RASA1: variants seen among roughly 807,000 people sequenced by gnomAD.
RASA1 encodes the protein ras GTPase-activating protein 1.
RASA1 carries 25 observed loss-of-function variants against 132.2 expected under a neutral mutation model. That is an observed-to-expected ratio of 0.19 (90% CI 0.14 to 0.26). RASA1 has a LOEUF of 0.26. Among genes scored for constraint, RASA1 ranks in the 10% least tolerant of loss-of-function variants. The pLI is 1.00. For missense variants in RASA1, 964 were observed against 1,299.2 expected (o/e 0.74, Z 3.97); for synonymous variants, 477 against 449.9 (o/e 1.06, Z -0.76).
At chr5:87,335,427 T>TG (rs1308775990) in intron 4 of RASA1, among the ~76,000 whole-genome samples, 2 of 142,506 alleles carry the variant, frequency 1.4e-5, no homozygotes, top group Non-Finnish European at 1.5e-5. Context: ...AGGTTTTTTT[T>TG]TTTTTTTTTT....
At chr5:87,296,788 T>G (rs1204525812) in intron 1 of RASA1, among the ~76,000 whole-genome samples, 1 of 152,106 alleles carries the variant, frequency 6.6e-6, no homozygotes, top group East Asian at 1.9e-4. Context: ...ATTTTTAGGT[T>G]TTTAGGGGCC....
At chr5:87,371,313 T>C (rs553268223) in intron 12 of RASA1, among the ~76,000 whole-genome samples, 12 of 152,256 alleles carry the variant, frequency 7.9e-5, no homozygotes, top group African/African-American at 2.9e-4. Context: ...GATTTGGTTT[T>C]AATTTGCTGT....
chr5:87,301,192 ACTGT>A (rs1398440040), intron 1 of RASA1, among the ~76,000 whole-genome samples: 3 of 151,984 alleles, frequency 2.0e-5, no homozygotes, highest in Non-Finnish European at 4.4e-5. Context: ...TATAATTTTG[ACTGT>A]CTAATGTTTT....
chr5:87,389,822 A>C (rs1762356122), intron 24 of RASA1, among the ~76,000 whole-genome samples: 1 of 152,132 alleles, frequency 6.6e-6, no homozygotes, highest in African/African-American at 2.4e-5. Flanking sequence ...GTAAGTCAAT[A>C]TTGATTTTAT....
At chr5:87,276,360 A>G (rs1385029896) in intron 1 of RASA1, among the ~76,000 whole-genome samples, 1 of 152,220 alleles carries the variant, frequency 6.6e-6, no homozygotes, top group Admixed American at 6.5e-5. Flanking sequence ...CACTGGCAGT[A>G]CATTTCAGTT....
intron 1 of RASA1, among the ~76,000 whole-genome samples, chr5:87,293,418 T>C (rs1158891874): frequency 6.6e-6 from 1 of 152,194 alleles, no homozygotes; most frequent in African/African-American, 2.4e-5. Flanking sequence ...TTTTTAAAAA[T>C]GTTGAGCCAG....
Position 87,338,526 on chromosome 5 carries a change from TA to T in RASA1, c.1017+436del, listed in dbSNP as rs1195749051. Among the ~76,000 whole-genome samples the T allele has an allele frequency of 8.4e-4, 85 of 100,892 alleles. 2 individuals are homozygous for T. Among genetic ancestry groups the T allele is most frequent in the African/African-American group, 2.8e-3 (76 of 27,498 alleles). 66.2% of individuals were successfully genotyped at this position (100,892 alleles called of 152,430 possible). A position where few individuals can be genotyped will look rare whatever the true frequency, so the allele number is the denominator to read the frequency against. On this transcript the variant is annotated intron_variant, in intron 5 of 24. Transcript: ENST00000274376. ...TTATATATATATATATATATATATA[TA>T]TATATAAAATTTTTTTTTTTTTTAA...
At chr5:87,328,950 C>T (rs1039511797) in intron 1 of RASA1, among the ~76,000 whole-genome samples, 4 of 140,962 alleles carry the variant, frequency 2.8e-5, no homozygotes, top group African/African-American at 1.0e-4. Context: ...TAAATATTTA[C>T]AAGCTGATGG....
chr5:87,375,723 G>A (rs545627792), intron 15 of RASA1, among the ~76,000 whole-genome samples: 1 of 152,286 alleles, frequency 6.6e-6, no homozygotes, highest in African/African-American at 2.4e-5. Flanking sequence ...AGTTGACAGT[G>A]AGATTTACCA....
intron 1 of RASA1, among the ~76,000 whole-genome samples, chr5:87,322,385 T>C (rs889736481): frequency 4.6e-5 from 7 of 152,192 alleles, no homozygotes; most frequent in African/African-American, 1.7e-4. Flanking sequence ...GTGCTCCTTA[T>C]GAGAATCTAA....
rs1418557506 is a variant in RASA1, at chr5:87,322,118, C to T, written c.540-9230C>T. 4.6e-5 allele frequency among the ~76,000 whole-genome samples: 7 copies of T among 152,086 alleles called. No individual in the cohort carries two copies. In the East Asian group the frequency reaches 1.4e-3, roughly 29 times the overall value. On this transcript the variant is annotated intron_variant, in intron 1 of 24. Coordinates refer to ENST00000274376, the MANE Select transcript of RASA1 (RefSeq NM_002890.3). ...GGATCCCTCATGAATGGTTTGCTGC[C>T]CTCCCCTGTGGTAATGAGTTCAAGT... is the stretch of plus-strand genomic sequence containing the variant.
At chr5:87,312,054 A>C (rs147415394) in intron 1 of RASA1, among the ~76,000 whole-genome samples, 23 of 152,356 alleles carry the variant, frequency 1.5e-4, no homozygotes, top group Non-Finnish European at 2.1e-4. Context: ...TAATATCTGG[A>C]AGATCTGCAT....
Position 87,349,283 on chromosome 5 carries a change from G to A in RASA1, c.1172G>A (p.Arg391Gln), listed in dbSNP as rs770469001. The A allele has an allele frequency of 1.9e-5, 31 of 1,611,744 alleles. No individual in the cohort carries two copies. Among genetic ancestry groups the A allele is most frequent in the Non-Finnish European group, 2.4e-5 (28 of 1,178,720 alleles). ...NTPGDYSLYFRTNENIQRFKI... is the reference protein window; with the variant it reads ...NTPGDYSLYFQTNENIQRFKI... ...CCTGGCGATTATTCACTTTATTTCC[G>A]GACCAATGAAAATATTCAGCGATTT... Residue 391 changes from arginine to glutamine, a missense_variant, in exon 8 of 25, where the codon CGG (arginine) becomes CAG (glutamine). Around this residue, in one of 6 missense-constraint regions of RASA1, gnomAD observed 154 missense variants for 286.5 expected, o/e 0.54. Transcript: ENST00000274376.
intron 1 of RASA1, among the ~76,000 whole-genome samples, chr5:87,308,782 C>G (rs1051166182): frequency 1.3e-5 from 2 of 152,126 alleles, no homozygotes; most frequent in African/African-American, 4.8e-5. Context: ...ACAAATACCA[C>G]TGTGTGAAAA....
At chr5:87,350,362 C>G (rs572195059) in intron 8 of RASA1, among the ~76,000 whole-genome samples, 1 of 151,726 alleles carries the variant, frequency 6.6e-6, no homozygotes, top group Non-Finnish European at 1.5e-5. Flanking sequence ...AATTTGAGTT[C>G]TTTAAGAATG....
At chr5:87,329,743 A>G (rs1327911205) in intron 1 of RASA1, among the ~76,000 whole-genome samples, 1 of 152,172 alleles carries the variant, frequency 6.6e-6, no homozygotes, top group African/African-American at 2.4e-5. Context: ...GGATAGTTCT[A>G]CTGCTTTAAG....
intron 1 of RASA1, among the ~76,000 whole-genome samples, chr5:87,272,499 C>G (rs78569979): frequency 6.6e-6 from 1 of 150,494 alleles, no homozygotes; most frequent in African/African-American, 2.4e-5. Flanking sequence ...TTTCCCCATC[C>G]GTAAAATGGG....
intron 15 of RASA1, among the ~76,000 whole-genome samples, chr5:87,375,336 C>A (rs766230979): frequency 9.3e-5 from 14 of 151,188 alleles, no homozygotes; most frequent in Non-Finnish European, 1.9e-4. Flanking sequence ...TCTCGGCTCA[C>A]TGCAACCTCC....
intron 4 of RASA1, among the ~76,000 whole-genome samples, chr5:87,335,129 G>A (rs1240193002): frequency 4.6e-5 from 7 of 152,128 alleles, no homozygotes; most frequent in African/African-American, 1.7e-4. Context: ...TGATCTGCCC[G>A]CCTTGGCCTC....
Sources: allele counts gnomAD v4.1 joint callset (sites outside exome capture counted in the v4.1 genomes callset), GRCh38; gene constraint gnomAD v4.1.1; regional missense constraint gnomAD v4.1.1; transcripts MANE v1.5; gene names NCBI Gene and HGNC (gene_info 2026-07-23, HGNC 2026-07-21).